Variants in SCAP observed in about 807,000 individuals in gnomAD.
SCAP encodes sterol regulatory element-binding protein cleavage-activating protein.
In SCAP, 65 loss-of-function variants were observed where a neutral mutation model predicts 123.6. That is an observed-to-expected ratio of 0.53 (90% CI 0.43 to 0.65). The LOEUF is 0.65. Ranked by LOEUF, SCAP falls within the 30% of genes least tolerant of loss-of-function variation. The pLI is 0.00. For missense variants in SCAP, 1,398 were observed against 1,712.5 expected (o/e 0.82, Z 3.24); for synonymous variants, 740 against 726.3 (o/e 1.02, Z -0.30).
intron 16 of SCAP, 142 bp downstream of exon 16, chr3:47,417,992 G>T (rs1705700224): frequency 5.6e-6 from 3 of 540,084 alleles, no homozygotes; most frequent in African/African-American, 5.1e-5. Context: ...GTGGTGGGAG[G>T]GGGTGCGGGG....
chr3:47,450,393 A>T (rs1386345187), intron 1 of SCAP, among the ~76,000 whole-genome samples: 1 of 125,972 alleles, frequency 7.9e-6, no homozygotes, highest in Non-Finnish European at 1.8e-5. Context: ...TACAAAAAGC[A>T]CACATTACTT....
At position 47,418,745 on chromosome 3, in the gene SCAP, G is replaced by A; in HGVS notation, c.2039C>T (p.Pro680Leu). 1.3e-6 allele frequency: 2 copies of A among 1,597,372 alleles called. No individual in the cohort carries two copies. The highest frequency in any genetic ancestry group is 1.7e-6 in the Non-Finnish European group (2 of 1,174,072). ...RHPQDGRSAW[P>L]PPGPIPAGHW... ...CCCAGCAGGTATGGGCCCCGGTGGGGGCCAGGCACTGCGGCCGTCCTGAGG... is the reference window on the plus strand; with the variant it reads ...CCCAGCAGGTATGGGCCCCGGTGGGAGCCAGGCACTGCGGCCGTCCTGAGG... The change falls in exon 14 of 23, where the codon CCC (proline) becomes CTC (leucine). Residue 680 changes from proline to leucine, a missense_variant. Pro to Leu is a moderately conservative substitution (Grantham distance 98). Transcript: ENST00000265565.
chr3:47,420,969 A>C lies in SCAP; in HGVS notation c.1306T>G (p.Phe436Val). 6.2e-7 allele frequency: 1 copy of C among 1,613,992 alleles called. No homozygotes were observed. The highest frequency in any genetic ancestry group is 8.5e-7 in the Non-Finnish European group (1 of 1,180,002). ...VSDFFLQMLF[F>V]TTVLSIDIRR... The stretch of plus-strand genomic sequence containing the variant: ...ATGTCAATGGACAGGACAGTGGTGA[A>C]AAACAGCATCTGAAGGAAGAAGTCA... The change falls in exon 11 of 23, where the codon TTC becomes GTC. Residue 436 changes from phenylalanine to valine, a missense_variant. This residue lies in a region of SCAP where 66 missense variants were observed against 116.3 expected (regional missense o/e 0.57). Transcript: ENST00000265565. The surrounding 1 kb of genome is among the most constrained non-coding windows in gnomAD (Gnocchi z 5.0).
intron 18 of SCAP, among the ~76,000 whole-genome samples, chr3:47,416,843 G>C (rs987856817): frequency 6.6e-6 from 1 of 151,756 alleles, no homozygotes; most frequent in African/African-American, 2.4e-5. Context: ...AGCCGGGATG[G>C]TCTCGATCTC....
In SCAP at chr3:47,417,197, G is replaced by A. The variant is rs757920492; in HGVS notation, c.2981C>T (p.Ala994Val). Residue 994 changes from alanine to valine, a missense_variant, in exon 18 of 23, where the codon GCC becomes GTC. Around this residue, in one of 7 missense-constraint regions of SCAP, gnomAD observed 828 missense variants for 882.5 expected, o/e 0.94. Transcript: ENST00000265565. The stretch of plus-strand genomic sequence containing the variant: ...GCTGCAGCACAGCACCCCTTCAATG[G>A]CGTCCCACACCTACGAGTCCAGAGG... ...RSSGRLEVWD[A>V]IEGVLCCSSE... 1.2e-6 allele frequency: 2 copies of A among 1,612,976 alleles called. No individual in the cohort carries two copies. The highest frequency in any genetic ancestry group is 1.7e-6 in the Non-Finnish European group (2 of 1,180,000).
At chr3:47,464,881 T>C (rs1707768637) in intron 1 of SCAP, among the ~76,000 whole-genome samples, 1 of 151,970 alleles carries the variant, frequency 6.6e-6, no homozygotes, top group Admixed American at 6.6e-5. Context: ...CCCTAAAGAT[T>C]ACACACACAC....
In SCAP at chr3:47,420,829, G is replaced by T; in HGVS notation, c.1345-57C>A. 1 of 1,532,160 alleles carries T rather than the reference G, an allele frequency of 6.5e-7. No individual in the cohort carries two copies. The highest frequency in any genetic ancestry group is 8.8e-7 in the Non-Finnish European group (1 of 1,130,124). 94.9% of individuals were successfully genotyped at this position (1,532,160 alleles called of 1,614,324 possible). A position where few individuals can be genotyped will look rare whatever the true frequency, so the allele number is the denominator to read the frequency against. On this transcript the variant is annotated intron_variant, in intron 11 of 22. Transcript: ENST00000265565. The surrounding 1 kb of genome is among the most constrained non-coding windows in gnomAD (Gnocchi z 5.0). ...CCACCATCCAGAGGCTGCTCGCACA[G>T]GACCGCTGTCCTGCCCGAGGTCTAC...
chr3:47,434,253 TCAA>T (rs1357169388), intron 3 of SCAP, among the ~76,000 whole-genome samples: 1 of 152,204 alleles, frequency 6.6e-6, no homozygotes, highest in Non-Finnish European at 1.5e-5. Context: ...TTGGTTTTCC[TCAA>T]CAACAGATTC....
At chr3:47,441,228 G>A (rs955931115) in intron 2 of SCAP, among the ~76,000 whole-genome samples, 17 of 152,114 alleles carry the variant, frequency 1.1e-4, no homozygotes, top group Non-Finnish European at 1.6e-4. Flanking sequence ...GAAAAACAGG[G>A]TGACTACAAA....
chr3:47,432,167 A>T (rs1458037588), intron 3 of SCAP, among the ~76,000 whole-genome samples: 1 of 151,972 alleles, frequency 6.6e-6, no homozygotes, highest in Non-Finnish European at 1.5e-5. Flanking sequence ...AATACAAAAA[A>T]TTAGCCAGGC....
rs1396503168 is a variant in SCAP, at chr3:47,442,886, G to A, written c.108C>T (p.Cys36=). The change falls in exon 2 of 23, where the codon TGC becomes TGT. Residue 36 remains cysteine (C), a synonymous_variant. Coordinates refer to ENST00000265565, the MANE Select transcript of SCAP (RefSeq NM_012235.4). ...PIPIILFTGF[C]ILACCYPLLK... is the part of the protein sequence containing the mutation. Reference sequence around the variant, plus strand: ...CAAAAACATACCAGCAGGCTAAGATGCAGAACCCTGTGAAGAGGATGATGG... The same window carrying A: ...CAAAAACATACCAGCAGGCTAAGATACAGAACCCTGTGAAGAGGATGATGG... The A allele has an allele frequency of 6.2e-7, 1 of 1,614,158 alleles. No homozygotes were observed. Among genetic ancestry groups the A allele is most frequent in the South Asian group, 1.1e-5 (1 of 91,086 alleles).
chr3:47,456,766 C>T (rs1241135539), intron 1 of SCAP, among the ~76,000 whole-genome samples: 1 of 150,982 alleles, frequency 6.6e-6, no homozygotes. Flanking sequence ...GTCTGGGCAA[C>T]AAAGCGAGAC....
rs746992795 is a variant in SCAP, at chr3:47,426,147, G to A, written c.760C>T (p.Arg254Cys). The A allele has an allele frequency of 5.6e-6, 9 of 1,613,358 alleles. No individual in the cohort carries two copies. The highest frequency in any genetic ancestry group is 7.6e-6 in the Non-Finnish European group (9 of 1,179,804). Residue 254 changes from arginine to cysteine, a missense_variant, in exon 7 of 23, where the codon CGC (arginine) becomes TGC (cysteine). By Grantham distance (180) the Arg-to-Cys change is radical. Around this residue, in one of 7 missense-constraint regions of SCAP, gnomAD observed 319 missense variants for 432.4 expected, o/e 0.74. Transcript: ENST00000265565. ...GGGCTGGGGTGCAGAAGCATCAGGCGGGCACGCAGGCTGCCCAGGAACCTG... is the reference window on the plus strand; with the variant it reads ...GGGCTGGGGTGCAGAAGCATCAGGCAGGCACGCAGGCTGCCCAGGAACCTG... ...HAKFLGSLRA[R>C]LMLLHPSPNC...
rs763504764 is a variant in SCAP, at chr3:47,421,064, G to A, written c.1246-35C>T. The stretch of plus-strand genomic sequence containing the variant: ...GAGCACATGGGGATGGGGGGGTGCC[G>A]TGACCTCACTGTCCCAGCCCAAGAG... On this transcript the variant is annotated intron_variant, in intron 10 of 22. Coordinates refer to ENST00000265565, the MANE Select transcript of SCAP (RefSeq NM_012235.4). 3.3e-5 allele frequency: 51 copies of A among 1,548,832 alleles called. No individual in the cohort carries two copies. In the East Asian group the frequency reaches 8.5e-4, roughly 26 times the overall value.
chr3:47,470,739 T>C (rs1707995707), intron 1 of SCAP, among the ~76,000 whole-genome samples: 1 of 152,114 alleles, frequency 6.6e-6, no homozygotes. Flanking sequence ...CAGGTGCCTG[T>C]AATCCCAGCT....
chr3:47,457,981 G>C (rs1462626118), intron 1 of SCAP, among the ~76,000 whole-genome samples: 7 of 151,352 alleles, frequency 4.6e-5, no homozygotes, highest in Admixed American at 4.6e-4. Flanking sequence ...ATTTTCAGCA[G>C]ATCAAGTTAA....
At chr3:47,445,478 C>A (rs1407684085) in intron 1 of SCAP, among the ~76,000 whole-genome samples, 2 of 151,932 alleles carry the variant, frequency 1.3e-5, no homozygotes, top group African/African-American at 4.8e-5. Flanking sequence ...GAACTCCTAA[C>A]CAGGTGATCC....
At position 47,417,689 on chromosome 3, in the gene SCAP, G is replaced by C. The variant is rs750516026; in HGVS notation, c.2585C>G (p.Pro862Arg). The change falls in exon 17 of 23, where the codon CCG becomes CGG. Residue 862 changes from proline to arginine, a missense_variant. Coordinates refer to ENST00000265565, the MANE Select transcript of SCAP (RefSeq NM_012235.4). ...CTGGTCCCCGAAGAGGGAAGGCGGCGGAGGGCCCCGGGGGCGGTGTCTCAG... is the reference window on the plus strand; with the variant it reads ...CTGGTCCCCGAAGAGGGAAGGCGGCCGAGGGCCCCGGGGGCGGTGTCTCAG... Reference protein sequence around the residue: ...PPLRHRPRGPPPPSLFGDQPD... With the variant: ...PPLRHRPRGPRPPSLFGDQPD... The C allele has an allele frequency of 5.0e-6, 8 of 1,608,090 alleles. No individual in the cohort carries two copies. The highest frequency in any genetic ancestry group is 3.4e-6 in the Non-Finnish European group (4 of 1,178,516).
Position 47,427,631 on chromosome 3 carries a change from T to A in SCAP, c.447A>T (p.Gln149His). ...GIRSLEELCL[Q>H]VTDLLPGLRK... ...TAAGGCCTGGCAGCAGGTCGGTCAC[T>A]TGCAGACACAACTCCTCCAAGCTCC... The change falls in exon 5 of 23, where the codon CAA becomes CAT. Residue 149 changes from glutamine to histidine, a missense_variant. Physicochemically the swap from Gln to His is conservative, Grantham distance 24. Coordinates refer to ENST00000265565, the MANE Select transcript of SCAP (RefSeq NM_012235.4). 1 of 1,614,128 alleles carries A rather than the reference T, an allele frequency of 6.2e-7. No homozygotes were observed. The highest frequency in any genetic ancestry group is 1.1e-5 in the South Asian group (1 of 91,078).
Sources: gnomAD v4.1 joint callset for allele counts (sites outside exome capture counted in the v4.1 genomes callset) on GRCh38, gnomAD v4.1.1 for gene constraint, gnomAD v4.1.1 regional missense constraint, Gnocchi (gnomAD v3.1) non-coding constraint, MANE v1.5 for transcripts, NCBI Gene and HGNC (gene_info 2026-07-23, HGNC 2026-07-21) for gene names.